The following SEM1 variants were observed in gnomAD, a reference collection of about 807,000 sequenced individuals.
SEM1 encodes SEM1 26S proteasome subunit, also known as 26S proteasome complex subunit SEM1.
Under a neutral mutation model 12.7 loss-of-function variants are expected in SEM1, and 3 were observed. The observed-to-expected ratio is 0.24, with a 90% CI of 0.11 to 0.61. The LOEUF (loss-of-function observed/expected upper bound fraction) is 0.61, where lower values mean the gene tolerates loss of function less well. Among genes scored for constraint, SEM1 ranks in the 20% least tolerant of loss-of-function variants. The pLI is 0.88. For synonymous variants in SEM1, 30 were observed against 27.8 expected (o/e 1.08, Z -0.25); for missense variants, 59 against 81.3 (o/e 0.73, Z 1.06).
At chr7:96,509,153 ATTT>A (rs71127457) in intron 2 of SEM1, among the ~76,000 whole-genome samples, 6,594 of 120,788 alleles carry the variant, frequency 0.055, 558 homozygotes, top group African/African-American at 0.19. Context: ...CGTCCAGCTA[ATTT>A]TTTTTTTTTT....
At chr7:96,592,086 T>C (rs1806847160) in intron 2 of SEM1, among the ~76,000 whole-genome samples, 2 of 151,984 alleles carry the variant, frequency 1.3e-5, no homozygotes, top group African/African-American at 4.8e-5. Context: ...ACTGGTATTA[T>C]CAGGACAGAG....
At chr7:96,538,945 T>C (rs1347934418) in intron 2 of SEM1, among the ~76,000 whole-genome samples, 1 of 151,896 alleles carries the variant, frequency 6.6e-6, no homozygotes. Flanking sequence ...AGATTTTCAA[T>C]GTGAGAACCT....
chr7:96,607,839 G>C (rs1807428999), intron 2 of SEM1, among the ~76,000 whole-genome samples: 1 of 152,162 alleles, frequency 6.6e-6, no homozygotes, highest in South Asian at 2.1e-4. Context: ...TCTCTAGGTA[G>C]TGTTCCAGTC....
Position 96,544,997 on chromosome 7 carries a change from T to A in SEM1, c.171-38299A>T, listed in dbSNP as rs561911628. On this transcript the variant is annotated intron_variant and NMD_transcript_variant, in intron 2 of 3. Transcript: ENST00000466986. Reference sequence around the variant, plus strand: ...ACCCATGTTATTCAAGGGTCAGCTGTCTTTTAAAGGCTTATTTATGATCCC... The same window carrying A: ...ACCCATGTTATTCAAGGGTCAGCTGACTTTTAAAGGCTTATTTATGATCCC... Among the ~76,000 whole-genome samples, 4 of 152,128 alleles carry A rather than the reference T, an allele frequency of 2.6e-5. No individual in the cohort carries two copies. In the South Asian group the frequency reaches 8.3e-4, roughly 32 times the overall value.
intron 2 of SEM1, among the ~76,000 whole-genome samples, chr7:96,546,416 G>A (rs1053686674): frequency 6.6e-6 from 1 of 152,048 alleles, no homozygotes; most frequent in African/African-American, 2.4e-5. Context: ...TAGAACTTGT[G>A]AAGTAATACA....
chr7:96,542,601 T>A (rs574572142), intron 2 of SEM1, among the ~76,000 whole-genome samples: 1,831 of 151,716 alleles, frequency 0.012, 36 homozygotes, highest in African/African-American at 0.042. Flanking sequence ...AAATAAAAAA[T>A]GATATAATTT....
At chr7:96,525,823 C>G (rs1245526274) in intron 2 of SEM1, among the ~76,000 whole-genome samples, 1 of 152,108 alleles carries the variant, frequency 6.6e-6, no homozygotes, top group Non-Finnish European at 1.5e-5. Context: ...TGCAAGGGAT[C>G]TAGGTTGTGC....
chr7:96,497,130 C>T (rs948931384), upstream of SEM1, among the ~76,000 whole-genome samples: 1 of 151,994 alleles, frequency 6.6e-6, no homozygotes, highest in Admixed American at 6.6e-5. Context: ...TTAAACCTTG[C>T]ACTTGGGAGG....
chr7:96,651,362 T>G lies in SEM1; in HGVS notation c.171-28719A>C, dbSNP rs188719013. On this transcript the variant is annotated intron_variant, in intron 2 of 2. Transcript: ENST00000417009. The stretch of plus-strand genomic sequence containing the variant: ...TTAAAATAAATTAGGAGACAATATG[T>G]GAGGAAGTTTTTCTGGAATATCCAA... 2.2e-3 allele frequency among the ~76,000 whole-genome samples: 337 copies of G among 152,154 alleles called. 3 individuals carry two copies. The highest frequency in any genetic ancestry group is 7.8e-3 in the African/African-American group (325 of 41,498).
chr7:96,634,613 T>C (rs911720092), intron 2 of SEM1, among the ~76,000 whole-genome samples: 1 of 148,594 alleles, frequency 6.7e-6, no homozygotes, highest in African/African-American at 2.4e-5. Context: ...ATATATATAA[T>C]ACATAAGAAA....
In SEM1 at chr7:96,492,363, A is replaced by T. The variant is rs114253942; in HGVS notation, c.12+3921T>A. On this transcript the variant is annotated intron_variant, in intron 1 of 3. Coordinates refer to the SEM1 transcript ENST00000356686. ...TTGTATCTGGCTTATTTTACTTGATATAATGCCCTCAAGCTTCATCCATGT... is the reference window on the plus strand; with the variant it reads ...TTGTATCTGGCTTATTTTACTTGATTTAATGCCCTCAAGCTTCATCCATGT... 1.3e-3 allele frequency among the ~76,000 whole-genome samples: 201 copies of T among 152,232 alleles called. 1 individual carries two copies. The highest frequency in any genetic ancestry group is 4.4e-3 in the African/African-American group (183 of 41,554).
At chr7:96,503,676 A>C (rs1211966054) in intron 3 of SEM1, among the ~76,000 whole-genome samples, 2 of 152,144 alleles carry the variant, frequency 1.3e-5, no homozygotes, top group Non-Finnish European at 2.9e-5. Context: ...AAGGACCCTT[A>C]ATGACAGGGC....
chr7:96,552,652 C>G (rs1355545071), intron 2 of SEM1, among the ~76,000 whole-genome samples: 15 of 148,814 alleles, frequency 1.0e-4, no homozygotes, highest in African/African-American at 3.2e-4. Context: ...AATAAACATA[C>G]GTGTGCATGT....
chr7:96,553,202 G>A (rs551321483), intron 2 of SEM1, among the ~76,000 whole-genome samples: 11 of 150,048 alleles, frequency 7.3e-5, no homozygotes, highest in South Asian at 4.2e-4. Flanking sequence ...AGTTTAATTA[G>A]ATCCCATTTG....
chr7:96,698,304 C>T (rs1295672003), intron 1 of SEM1, among the ~76,000 whole-genome samples: 1 of 151,902 alleles, frequency 6.6e-6, no homozygotes. Context: ...TGTACAGGTC[C>T]GTTACATAGG....
intron 2 of SEM1, among the ~76,000 whole-genome samples, chr7:96,537,356 T>C (rs769803520): frequency 6.6e-6 from 1 of 151,778 alleles, no homozygotes; most frequent in South Asian, 2.1e-4. Flanking sequence ...TATTTTTACT[T>C]TGACACTTCT....
At chr7:96,518,022 C>A (rs944311713) in intron 2 of SEM1, among the ~76,000 whole-genome samples, 1 of 152,136 alleles carries the variant, frequency 6.6e-6, no homozygotes, top group African/African-American at 2.4e-5. Context: ...GATACAAGGA[C>A]AATTATCATA....
At position 96,503,500 on chromosome 7, in the gene SEM1, C is replaced by T. The variant is rs999535063; in HGVS notation, c.*60+3123G>A. The T allele has an allele frequency of 3.3e-5, 5 of 152,078 alleles. No homozygotes were observed. The East Asian group carries it at 5.8e-4, about 18-fold the overall frequency. The allele number at this position is 152,078 out of a possible 1,614,324, so 9.4% of individuals were successfully genotyped here. A position where few individuals can be genotyped will look rare whatever the true frequency, so the allele number is the denominator to read the frequency against. ...AAACTCACCACTTTTGTTTTCATCT[C>T]GGAGACTGCATATCGTGAATTGCGT... On this transcript the variant is annotated intron_variant and NMD_transcript_variant, in intron 3 of 3. Transcript: ENST00000466986.
chr7:96,672,554 G>C (rs1387278634), downstream of SEM1: 1 of 152,150 alleles, frequency 6.6e-6, no homozygotes, highest in Non-Finnish European at 1.5e-5. Context: ...GCAATAGTCT[G>C]AAGTGTCCAA....
Sources: allele counts gnomAD v4.1 joint callset (sites outside exome capture counted in the v4.1 genomes callset), GRCh38; gene constraint gnomAD v4.1.1; transcripts MANE v1.5; gene names NCBI Gene and HGNC (gene_info 2026-07-23, HGNC 2026-07-21).